The following PCSK2 variants were observed in gnomAD, a reference collection of about 807,000 sequenced individuals.
PCSK2 encodes proprotein convertase subtilisin/kexin type 2, also known as neuroendocrine convertase 2.
PCSK2 carries 14 observed loss-of-function variants against 69.7 expected under a neutral mutation model. The ratio of observed to expected loss-of-function variants is 0.20; its 90% CI spans 0.13 to 0.31. PCSK2 has a LOEUF of 0.31. PCSK2 is among the 10% of genes least tolerant of loss of function. The pLI is 1.00. For synonymous variants in PCSK2, 307 were observed against 320.7 expected, an observed-to-expected ratio of 0.96 and a Z score of 0.46; for missense variants, 544 against 842.5, an observed-to-expected ratio of 0.65 and a Z score of 4.39.
intron 2 of PCSK2, among the ~76,000 whole-genome samples, chr20:17,324,256 G>A (rs1348330511): frequency 6.6e-6 from 1 of 151,944 alleles, no homozygotes; most frequent in Non-Finnish European, 1.5e-5. Context: ...ATGATACCAG[G>A]CTATAACCAC....
At chr20:17,226,603 C>T (rs1985911741), upstream of PCSK2, among the ~76,000 whole-genome samples, 2 of 151,882 alleles carry the variant, frequency 1.3e-5, no homozygotes. Context: ...GAGGCCGGCG[C>T]CCCTGCTCCC....
intron 1 of PCSK2, among the ~76,000 whole-genome samples, chr20:17,248,091 A>G (rs181530960): frequency 6.6e-6 from 1 of 152,168 alleles, no homozygotes; most frequent in Non-Finnish European, 1.5e-5. Context: ...ATTTGCTGCG[A>G]GTTCTTCATT....
chr20:17,453,140 C>T lies in PCSK2; in HGVS notation c.886-602C>T, dbSNP rs1013411482. On this transcript the variant is annotated intron_variant, in intron 8 of 11. Transcript: ENST00000262545. This position sits in a 1 kb window ranked among gnomAD's most constrained non-coding sequence, Gnocchi z 4.0. ...AAGAATATATACATATGCACACACACGTAAGATTTTTATATATCATGGAGT... is the reference window on the plus strand; with the variant it reads ...AAGAATATATACATATGCACACACATGTAAGATTTTTATATATCATGGAGT... Among the ~76,000 whole-genome samples, 9 of 151,928 alleles carry T rather than the reference C, an allele frequency of 5.9e-5. No individual in the cohort carries two copies. The highest frequency in any genetic ancestry group is 4.6e-4 in the Admixed American group (7 of 15,250).
chr20:17,277,097 T>C (rs1367356037), intron 2 of PCSK2, among the ~76,000 whole-genome samples: 1 of 152,144 alleles, frequency 6.6e-6, no homozygotes, highest in Admixed American at 6.5e-5. Flanking sequence ...GAACATTCCA[T>C]GCTCATGGGT....
intron 1 of PCSK2, among the ~76,000 whole-genome samples, chr20:17,247,195 A>T (rs1188893224): frequency 6.6e-6 from 1 of 152,192 alleles, no homozygotes; most frequent in Non-Finnish European, 1.5e-5. Flanking sequence ...ACCTAAATTC[A>T]AATGAGCTTC....
chr20:17,251,425 TAA>T (rs1395918597), intron 1 of PCSK2, among the ~76,000 whole-genome samples: 9 of 152,186 alleles, frequency 5.9e-5, no homozygotes, highest in Non-Finnish European at 1.0e-4. Context: ...TACAATGTTC[TAA>T]AAAATTTTTA....
chr20:17,476,822 T>G (rs557792426), intron 11 of PCSK2, among the ~76,000 whole-genome samples: 1 of 152,308 alleles, frequency 6.6e-6, no homozygotes, highest in South Asian at 2.1e-4. Context: ...AATAGCACCA[T>G]CTTTGAGAAA....
chr20:17,251,304 T>C (rs1215442266), intron 1 of PCSK2, among the ~76,000 whole-genome samples: 5 of 152,166 alleles, frequency 3.3e-5, no homozygotes, highest in African/African-American at 1.2e-4. Flanking sequence ...CAGGGTTAAG[T>C]AGAGAAAACA....
At chr20:17,275,166 T>C (rs1382738927) in intron 2 of PCSK2, among the ~76,000 whole-genome samples, 1 of 151,214 alleles carries the variant, frequency 6.6e-6, no homozygotes, top group Non-Finnish European at 1.5e-5. Context: ...CCCTTTCTTG[T>C]TTAAATTTAT....
At chr20:17,373,518 A>G (rs1199869886) in intron 5 of PCSK2, among the ~76,000 whole-genome samples, 8 of 152,206 alleles carry the variant, frequency 5.3e-5, no homozygotes, top group Non-Finnish European at 8.8e-5. Flanking sequence ...GGGATGTAGC[A>G]ACGTCTGCCC....
At chr20:17,248,254 G>C (rs982622847) in intron 1 of PCSK2, among the ~76,000 whole-genome samples, 1 of 151,192 alleles carries the variant, frequency 6.6e-6, no homozygotes, top group Admixed American at 6.6e-5. Flanking sequence ...CTAAATGCCC[G>C]CAGTATGAGA....
intron 1 of PCSK2, among the ~76,000 whole-genome samples, chr20:17,234,272 A>G (rs929931295): frequency 6.6e-6 from 1 of 152,194 alleles, no homozygotes; most frequent in Non-Finnish European, 1.5e-5. Flanking sequence ...TTCTCCAGCA[A>G]CAAATAGAAC....
intron 7 of PCSK2, 112 bp from the exon 8 acceptor site, chr20:17,436,596 C>A: frequency 1.2e-6 from 1 of 862,110 alleles, no homozygotes; most frequent in Admixed American, 2.4e-5. Flanking sequence ...CCCCAGAGCA[C>A]CTGAGATCTC....
intron 5 of PCSK2, among the ~76,000 whole-genome samples, chr20:17,389,433 G>A (rs957055032): frequency 2.0e-5 from 3 of 152,002 alleles, no homozygotes; most frequent in Admixed American, 6.6e-5. Flanking sequence ...TATAGGGAGA[G>A]AATGGTGGAG....
At chr20:17,268,518 C>A (rs1406609472) in intron 2 of PCSK2, among the ~76,000 whole-genome samples, 2 of 152,008 alleles carry the variant, frequency 1.3e-5, no homozygotes, top group African/African-American at 2.4e-5. Flanking sequence ...GCACTCCAGA[C>A]AGAGGAACCA....
intron 2 of PCSK2, among the ~76,000 whole-genome samples, chr20:17,303,514 A>ATT (rs1989208132): frequency 5.3e-5 from 2 of 37,944 alleles, no homozygotes; most frequent in African/African-American, 2.3e-4. Flanking sequence ...TATATTATAT[A>ATT]TAATATAATA....
chr20:17,352,107 TAAG>T (rs995446197), intron 2 of PCSK2, among the ~76,000 whole-genome samples: 16 of 152,048 alleles, frequency 1.1e-4, no homozygotes, highest in African/African-American at 3.9e-4. Flanking sequence ...ATAATAGCTA[TAAG>T]AAGAATAAAA....
chr20:17,436,649 C>T, intron 7 of PCSK2, 59 bp from the exon 8 acceptor site: 3 of 1,492,452 alleles, frequency 2.0e-6, no homozygotes, highest in South Asian at 1.3e-5. Flanking sequence ...CCTCCACCTC[C>T]TTGTCTCCTG....
intron 5 of PCSK2, among the ~76,000 whole-genome samples, chr20:17,377,193 A>C (rs1218528720): frequency 6.6e-6 from 1 of 152,250 alleles, no homozygotes; most frequent in African/African-American, 2.4e-5. Flanking sequence ...TTAGGTTCCT[A>C]GATAGGAGAG....
Sources: gnomAD v4.1 joint callset for allele counts (sites outside exome capture counted in the v4.1 genomes callset) on GRCh38, gnomAD v4.1.1 for gene constraint, Gnocchi (gnomAD v3.1) non-coding constraint, MANE v1.5 for transcripts, NCBI Gene and HGNC (gene_info 2026-07-23, HGNC 2026-07-21) for gene names.